Variants in SHLD2 observed in about 807,000 individuals in gnomAD.
SHLD2 encodes the protein RINN1-REV7-interacting novel NHEJ regulator 2.
SHLD2 carries 30 observed loss-of-function variants against 73.2 expected under a neutral mutation model. The ratio of observed to expected loss-of-function variants is 0.41; its 90% CI spans 0.31 to 0.56. SHLD2 has a LOEUF of 0.56. Ranked by LOEUF, SHLD2 falls within the 20% of genes least tolerant of loss-of-function variation. SHLD2 has a pLI of 0.28. For missense variants in SHLD2, 745 were observed against 1,055.9 expected (o/e 0.71, Z 4.08); for synonymous variants, 285 against 370.1 (o/e 0.77, Z 2.64).
At chr10:87,128,053 T>G (rs1473020706) in intron 2 of SHLD2, among the ~76,000 whole-genome samples, 1 of 152,202 alleles carries the variant, frequency 6.6e-6, no homozygotes, top group Admixed American at 6.5e-5. Flanking sequence ...ATATTCCATA[T>G]TTTTTAACCT....
chr10:87,156,939 C>T (rs1420797265), intron 3 of SHLD2, among the ~76,000 whole-genome samples: 1 of 151,864 alleles, frequency 6.6e-6, no homozygotes, highest in Admixed American at 6.6e-5. Flanking sequence ...GGGTTGCAGG[C>T]GGGACAAGCA....
At chr10:87,142,189 C>T (rs903064963) in intron 2 of SHLD2, among the ~76,000 whole-genome samples, 4 of 152,132 alleles carry the variant, frequency 2.6e-5, no homozygotes, top group African/African-American at 7.2e-5. Flanking sequence ...TTATTTACCC[C>T]ATCATTAAGT....
intron 6 of SHLD2, among the ~76,000 whole-genome samples, chr10:87,173,001 C>G (rs1229820490): frequency 3.3e-5 from 5 of 149,554 alleles, no homozygotes; most frequent in African/African-American, 1.2e-4. Flanking sequence ...AGCCTTCAAG[C>G]ATATATAAAA....
At chr10:87,125,469 C>T (rs1245789350) in intron 2 of SHLD2, among the ~76,000 whole-genome samples, 1 of 152,222 alleles carries the variant, frequency 6.6e-6, no homozygotes, top group Admixed American at 6.5e-5. Context: ...GGTGTGGTGG[C>T]TGACGCCTGT....
chr10:87,106,806 T>A (rs1431380971), intron 2 of SHLD2, among the ~76,000 whole-genome samples: 2 of 152,212 alleles, frequency 1.3e-5, no homozygotes, highest in Non-Finnish European at 2.9e-5. Flanking sequence ...AGGGCTAAAC[T>A]GGCCTTTATG....
At position 87,152,788 on chromosome 10, in the gene SHLD2, T is replaced by A. The variant is rs748398320; in HGVS notation, c.1434T>A (p.Asp478Glu). 2.5e-6 allele frequency: 4 copies of A among 1,611,666 alleles called. No individual in the cohort carries two copies. The South Asian group carries it at 4.4e-5, about 18-fold the overall frequency. The change falls in exon 3 of 10, where the codon GAT becomes GAA. Residue 478 changes from aspartate to glutamate, a missense_variant. Around this residue, in one of 5 missense-constraint regions of SHLD2, gnomAD observed 418 missense variants for 567.8 expected, o/e 0.74. Coordinates refer to ENST00000298786, the MANE Select transcript of SHLD2 (RefSeq NM_001330112.2). Reference sequence around the variant, plus strand: ...CTTTAGCAACAGTTACAGTAATTGATCAATCAGAAACTAAGAAGAAGGTTT... The same window carrying A: ...CTTTAGCAACAGTTACAGTAATTGAACAATCAGAAACTAAGAAGAAGGTTT... ...KVPLATVTVI[D>E]QSETKKKVFL...
chr10:87,184,146 C>T (rs1234236223), intron 8 of SHLD2, among the ~76,000 whole-genome samples: 1 of 152,100 alleles, frequency 6.6e-6, no homozygotes, highest in East Asian at 1.9e-4. Context: ...CACCATCTAC[C>T]CAATTATTTA....
chr10:87,132,504 G>C (rs1844499470), intron 2 of SHLD2, among the ~76,000 whole-genome samples: 1 of 152,194 alleles, frequency 6.6e-6, no homozygotes, highest in South Asian at 2.1e-4. Flanking sequence ...GCCAGGTGCA[G>C]TGGCTCACAT....
chr10:87,142,023 T>TCA (rs1185972424), intron 2 of SHLD2, among the ~76,000 whole-genome samples: 4 of 128,768 alleles, frequency 3.1e-5, no homozygotes, highest in Non-Finnish European at 6.6e-5. Flanking sequence ...AGAGCAAGAC[T>TCA]CCATCTCAAA....
chr10:87,153,590 A>G (rs1357916791), intron 3 of SHLD2, among the ~76,000 whole-genome samples: 1 of 152,056 alleles, frequency 6.6e-6, no homozygotes, highest in Non-Finnish European at 1.5e-5. Flanking sequence ...CCTTCCAGTT[A>G]TTTTCTCTGT....
chr10:87,127,540 C>A (rs1458808272), intron 2 of SHLD2, among the ~76,000 whole-genome samples: 1 of 66,502 alleles, frequency 1.5e-5, no homozygotes, highest in Admixed American at 1.5e-4. Flanking sequence ...CCCCCCCCCA[C>A]CCCGTCTGCC....
At chr10:87,125,605 C>T (rs1364017395) in intron 2 of SHLD2, among the ~76,000 whole-genome samples, 5 of 152,140 alleles carry the variant, frequency 3.3e-5, no homozygotes, top group Admixed American at 6.5e-5. Flanking sequence ...GGCGTGGTGG[C>T]GGGTGCCTGT....
intron 4 of SHLD2, among the ~76,000 whole-genome samples, chr10:87,160,895 G>A (rs1212219214): frequency 6.6e-6 from 1 of 151,822 alleles, no homozygotes; most frequent in Non-Finnish European, 1.5e-5. Context: ...GGAGGCTGAG[G>A]CATGAGAATT....
At chr10:87,135,974 C>T (rs908282069) in intron 2 of SHLD2, among the ~76,000 whole-genome samples, 6 of 151,618 alleles carry the variant, frequency 4.0e-5, no homozygotes, top group African/African-American at 9.7e-5. Context: ...GTTACATATG[C>T]GCAGCCTACA....
intron 3 of SHLD2, among the ~76,000 whole-genome samples, chr10:87,157,508 T>C (rs1052928338): frequency 1.3e-5 from 2 of 152,206 alleles, no homozygotes; most frequent in African/African-American, 4.8e-5. Context: ...TACAGCTCTC[T>C]CTTTCCAATT....
Position 87,187,086 on chromosome 10 carries a change from C to A in SHLD2, c.2401C>A (p.Pro801Thr). ...PFTMKKIYYR[P>T]ALMTAIDGRH... Reference sequence around the variant, plus strand: ...CGTGTGTTGTTTACTCTTTTGTAGGCCAGCGTTAATGACTGCCATTGATGG... The same window carrying A: ...CGTGTGTTGTTTACTCTTTTGTAGGACAGCGTTAATGACTGCCATTGATGG... The change falls in exon 9 of 10, where the codon CCA becomes ACA. Residue 801 changes from proline (P) to threonine (T), a missense_variant and splice_region_variant. Transcript: ENST00000298786. The A allele has an allele frequency of 6.3e-7, 1 of 1,596,982 alleles. No homozygotes were observed. Among genetic ancestry groups the A allele is most frequent in the Non-Finnish European group, 8.6e-7 (1 of 1,164,864 alleles).
At chr10:87,185,532 C>A (rs1456177559) in intron 8 of SHLD2, among the ~76,000 whole-genome samples, 1 of 152,142 alleles carries the variant, frequency 6.6e-6, no homozygotes. Flanking sequence ...ACATTCTCAT[C>A]AGCAATATGA....
chr10:87,146,782 C>T (rs547595873), intron 2 of SHLD2, among the ~76,000 whole-genome samples: 6 of 151,370 alleles, frequency 4.0e-5, no homozygotes, highest in Non-Finnish European at 8.8e-5. Context: ...TGCCGCCCAG[C>T]GTGGTGGCTC....
At chr10:87,178,265 CTT>C (rs1848076112) in intron 7 of SHLD2, among the ~76,000 whole-genome samples, 1 of 116,530 alleles carries the variant, frequency 8.6e-6, no homozygotes, top group African/African-American at 3.1e-5. Flanking sequence ...AAAAAAAAGA[CTT>C]TTTGAGTGGA....
Sources: gnomAD v4.1 joint callset for allele counts (sites outside exome capture counted in the v4.1 genomes callset) on GRCh38, gnomAD v4.1.1 for gene constraint, gnomAD v4.1.1 regional missense constraint, MANE v1.5 for transcripts, NCBI Gene and HGNC (gene_info 2026-07-23, HGNC 2026-07-21) for gene names.